The following TRIQK variants were observed in gnomAD, a reference collection of about 807,000 sequenced individuals.
The protein encoded by TRIQK is triple QxxK/R motif containing, also known as triple QxxK/R motif-containing protein.
In TRIQK, 10 loss-of-function variants were observed where a neutral mutation model predicts 10.8. That is an observed-to-expected ratio of 0.92 (90% CI 0.57 to 1.57). TRIQK has a LOEUF of 1.57. Ranked by LOEUF, TRIQK falls within the 40% of genes most tolerant of loss-of-function variation. TRIQK has a pLI of 0.00. For missense variants in TRIQK, 107 were observed against 97.7 expected (o/e 1.09, Z -0.40); for synonymous variants, 33 against 33.7 (o/e 0.98, Z 0.07).
At chr8:92,952,418 A>AACAC (rs143129049) in intron 2 of TRIQK, among the ~76,000 whole-genome samples, 83 of 148,194 alleles carry the variant, frequency 5.6e-4, no homozygotes, top group African/African-American at 1.5e-3. Flanking sequence ...ACAAAGATAA[A>AACAC]ACACACACAC....
rs1816400090 is a variant in TRIQK, at chr8:92,885,035, A to AT, written c.*1586dup. 1 of 455,724 alleles carries AT rather than the reference A, an allele frequency of 2.2e-6. No homozygotes were observed. Among genetic ancestry groups the AT allele is most frequent in the Non-Finnish European group, 4.4e-6 (1 of 226,442 alleles). 28.2% of individuals were successfully genotyped at this position (455,724 alleles called of 1,614,324 possible). On this transcript the variant is annotated 3_prime_UTR_variant, in exon 5 of 5. Transcript: ENST00000521988. ...TGGATTGGTCCGCTGTGGTGAGTAT[A>AT]TAAGAACTCTTGGTCTGTCTCTTGA... is the stretch of plus-strand genomic sequence containing the variant.
intron 2 of TRIQK, among the ~76,000 whole-genome samples, chr8:92,939,719 C>A (rs956686276): frequency 2.0e-5 from 3 of 152,160 alleles, no homozygotes; most frequent in African/African-American, 7.2e-5. Flanking sequence ...GAGATTCCCA[C>A]CTCTATGCAT....
chr8:93,015,107 T>C (rs1349672591), intron 1 of TRIQK, among the ~76,000 whole-genome samples: 1 of 151,976 alleles, frequency 6.6e-6, no homozygotes, highest in Non-Finnish European at 1.5e-5. Flanking sequence ...TATCCGGCAA[T>C]AACAACATTT....
At chr8:92,967,319 A>C (rs1812791379), upstream of TRIQK, among the ~76,000 whole-genome samples, 1 of 152,104 alleles carries the variant, frequency 6.6e-6, no homozygotes, top group African/African-American at 2.4e-5. Flanking sequence ...GTACCTCTGG[A>C]CAAGTGCCTT....
At chr8:92,987,988 A>G (rs558993845) in intron 1 of TRIQK, among the ~76,000 whole-genome samples, 3 of 144,456 alleles carry the variant, frequency 2.1e-5, no homozygotes, top group African/African-American at 7.6e-5. Flanking sequence ...TTTAGTTCAT[A>G]CTTTATACTT....
intron 3 of TRIQK, among the ~76,000 whole-genome samples, chr8:92,897,361 A>G (rs1033337740): frequency 7.2e-5 from 11 of 152,308 alleles, no homozygotes; most frequent in African/African-American, 2.4e-4. Flanking sequence ...CTAGAATGCT[A>G]TAATTTGAAT....
At chr8:92,899,610 T>C (rs569803471) in intron 3 of TRIQK, among the ~76,000 whole-genome samples, 1 of 152,334 alleles carries the variant, frequency 6.6e-6, no homozygotes, top group Non-Finnish European at 1.5e-5. Flanking sequence ...TGAACAGTAC[T>C]TCATTGTGTA....
intron 1 of TRIQK, among the ~76,000 whole-genome samples, chr8:92,956,479 GAATATTGTAAA>G (rs899283321): frequency 4.3e-4 from 65 of 151,734 alleles, no homozygotes; most frequent in African/African-American, 1.5e-3. Context: ...ACAATATTGG[GAATATTGTAAA>G]AATTCCTGAA....
chr8:92,992,992 T>A (rs191199868), intron 1 of TRIQK, among the ~76,000 whole-genome samples: 34 of 152,300 alleles, frequency 2.2e-4, no homozygotes, highest in Non-Finnish European at 4.3e-4. Context: ...TCCACTCTTC[T>A]TTCATACACT....
intron 2 of TRIQK, 64 bp from the exon 3 acceptor site, chr8:92,917,074 A>G: frequency 1.0e-6 from 1 of 981,508 alleles, no homozygotes; most frequent in Admixed American, 3.5e-5. Flanking sequence ...ATCCAGAAAT[A>G]GTTTATTCTA....
At chr8:92,908,959 T>C (rs1809423582) in intron 3 of TRIQK, among the ~76,000 whole-genome samples, 1 of 151,972 alleles carries the variant, frequency 6.6e-6, no homozygotes, top group Non-Finnish European at 1.5e-5. Context: ...ATATACTACT[T>C]GGAATCTTAC....
chr8:93,004,851 T>C (rs1813251997), intron 1 of TRIQK, among the ~76,000 whole-genome samples: 1 of 152,204 alleles, frequency 6.6e-6, no homozygotes, highest in East Asian at 1.9e-4. Flanking sequence ...CAGTTCCCAA[T>C]GAGTTCCTCA....
At chr8:92,940,835 A>C (rs758133409) in intron 2 of TRIQK, among the ~76,000 whole-genome samples, 2 of 152,208 alleles carry the variant, frequency 1.3e-5, no homozygotes, top group African/African-American at 4.8e-5. Flanking sequence ...CATTCTACTC[A>C]ACTGAACATG....
intron 3 of TRIQK, among the ~76,000 whole-genome samples, chr8:92,911,310 T>C (rs532726717): frequency 1.3e-5 from 2 of 151,466 alleles, no homozygotes; most frequent in Non-Finnish European, 1.5e-5. Context: ...AATCAAAGTA[T>C]ATCACAACAA....
At chr8:92,913,818 A>C (rs994139608) in intron 3 of TRIQK, among the ~76,000 whole-genome samples, 1 of 152,180 alleles carries the variant, frequency 6.6e-6, no homozygotes, top group Non-Finnish European at 1.5e-5. Context: ...TGTCCTTTGC[A>C]GGGACATGGA....
At chr8:92,983,338 A>T (rs1813003756) in intron 1 of TRIQK, among the ~76,000 whole-genome samples, 1 of 152,186 alleles carries the variant, frequency 6.6e-6, no homozygotes, top group Middle Eastern at 3.4e-3. Context: ...ATTAACTGCT[A>T]TAAAAAAACA....
chr8:92,999,220 A>G (rs1265156692), intron 1 of TRIQK, among the ~76,000 whole-genome samples: 1 of 152,172 alleles, frequency 6.6e-6, no homozygotes, highest in South Asian at 2.1e-4. Context: ...ATTGCTGTTT[A>G]TTAAACCTAT....
chr8:92,994,850 C>T (rs1813136516), intron 1 of TRIQK, among the ~76,000 whole-genome samples: 2 of 151,832 alleles, frequency 1.3e-5, no homozygotes, highest in Admixed American at 1.3e-4. Context: ...TTGTTTCCCC[C>T]TACAAACTTC....
At chr8:92,901,575 C>G (rs1409458348) in intron 3 of TRIQK, among the ~76,000 whole-genome samples, 1 of 152,056 alleles carries the variant, frequency 6.6e-6, no homozygotes, top group Non-Finnish European at 1.5e-5. Flanking sequence ...TTGAATCATC[C>G]TTGCACCCCT....
Sources: allele counts gnomAD v4.1 joint callset (sites outside exome capture counted in the v4.1 genomes callset), GRCh38; gene constraint gnomAD v4.1.1; transcripts MANE v1.5; gene names NCBI Gene and HGNC (gene_info 2026-07-23, HGNC 2026-07-21).